The following SLC37A2 variants were observed in gnomAD, a reference collection of about 807,000 sequenced individuals.
SLC37A2 encodes the protein solute carrier family 37 member 2.
In SLC37A2, 59 loss-of-function variants were observed where a neutral mutation model predicts 70.7. The observed-to-expected ratio is 0.83, with a 90% CI of 0.68 to 1.04. The LOEUF (loss-of-function observed/expected upper bound fraction) is 1.04. Ranked by LOEUF, SLC37A2 falls within the 50% of genes least tolerant of loss-of-function variation. SLC37A2 has a pLI of 0.00. For missense variants in SLC37A2, 580 were observed against 658.1 expected (o/e 0.88, Z 1.30); for synonymous variants, 257 against 262.1 (o/e 0.98, Z 0.19).
intron 8 of SLC37A2, 131 bp from the exon 9 acceptor site, chr11:125,081,623 G>A (rs1949151394): frequency 2.1e-6 from 3 of 1,402,808 alleles, no homozygotes; most frequent in African/African-American, 2.9e-5. Context: ...AGTCTGGCAG[G>A]TCAGTCCAGC....
chr11:125,080,002 C>T lies in SLC37A2; in HGVS notation c.527+242C>T, dbSNP rs979457002. On this transcript the variant is annotated intron_variant, in intron 6 of 17. Coordinates refer to ENST00000403796, the MANE Select transcript of SLC37A2 (RefSeq NM_001145290.2). This position sits in a 1 kb window ranked among gnomAD's most constrained non-coding sequence, Gnocchi z 4.3. ...ATAATAGATTAATTTCTATTTTCAACGAAGACAAAAAGAAGCCTATAAAAC... is the reference window on the plus strand; with the variant it reads ...ATAATAGATTAATTTCTATTTTCAATGAAGACAAAAAGAAGCCTATAAAAC... Among the ~76,000 whole-genome samples the T allele has an allele frequency of 6.6e-6, 1 of 152,162 alleles. No individual in the cohort carries two copies. Among genetic ancestry groups the T allele is most frequent in the Non-Finnish European group, 1.5e-5 (1 of 68,036 alleles).
intron 14 of SLC37A2, 43 bp from the exon 15 acceptor site, chr11:125,085,352 C>A (rs1168409602): frequency 6.3e-7 from 1 of 1,584,110 alleles, no homozygotes; most frequent in Non-Finnish European, 8.6e-7. Context: ...TCTGCTCATG[C>A]TGCTGCTCAG....
rs752786146 is a variant in SLC37A2, at chr11:125,076,821, C to T, written c.124C>T (p.Pro42Ser). The T allele has an allele frequency of 7.4e-6, 12 of 1,614,046 alleles. No homozygotes were observed. Among genetic ancestry groups the T allele is most frequent in the South Asian group, 4.4e-5 (4 of 91,088 alleles). ...CGCCTGCTATCACATGTCCAGGAAG[C>T]CTATCAGTATCGTCAAGGTGAGGCT... Reference protein sequence around the residue: ...IYACYHMSRKPISIVKSRLHQ... With the variant: ...IYACYHMSRKSISIVKSRLHQ... Residue 42 changes from proline (P) to serine (S), a missense_variant, in exon 2 of 18, where the codon CCT becomes TCT. Transcript: ENST00000403796.
rs771953815 is a variant in SLC37A2 at position 125,081,450 on chromosome 11, C to T, written c.724C>T (p.Gln242Ter). ...AGAAGATGTGGACTGCGCCCCTCCT[C>T]AGCACCACGTGAGTGTGAGCCCTCC... ...HPEDVDCAPPQHHGEPAENQD... is the reference protein window; with the variant it reads ...HPEDVDCAPP The change falls in exon 8 of 18, where the codon CAG (glutamine) becomes TAG (stop). Residue 242 changes from glutamine (Q) to a stop codon, truncating the protein, a stop_gained. Coordinates refer to ENST00000403796, the MANE Select transcript of SLC37A2 (RefSeq NM_001145290.2). LOFTEE classifies it high-confidence loss of function. The T allele has an allele frequency of 6.2e-7, 1 of 1,609,954 alleles. No homozygotes were observed. The highest frequency in any genetic ancestry group is 1.1e-5 in the South Asian group (1 of 90,330).
rs576083231 is a variant in SLC37A2 at position 125,087,820 on chromosome 11, C to T, written c.1491-299C>T. The T allele has an allele frequency of 4.9e-5, 13 of 264,036 alleles. No individual in the cohort carries two copies. In the East Asian group the frequency reaches 5.3e-4, roughly 11 times the overall value. The allele number at this position is 264,036 out of a possible 1,614,324, so 16.4% of individuals were successfully genotyped here. ...GCTAATTTTGTATTTTTAGTAGAGA[C>T]AGGGTTTCTCCATGTTGGTCAGGCT... is the stretch of plus-strand genomic sequence containing the variant. On this transcript the variant is annotated intron_variant, in intron 17 of 17. Coordinates refer to ENST00000403796, the MANE Select transcript of SLC37A2 (RefSeq NM_001145290.2).
intron 1 of SLC37A2, among the ~76,000 whole-genome samples, chr11:125,066,489 C>G (rs1028242504): frequency 1.1e-4 from 17 of 152,208 alleles, no homozygotes; most frequent in Admixed American, 1.3e-4. Context: ...AAAATAAAAA[C>G]TATCTGTAGG....
At chr11:125,075,772 C>T (rs775404091) in intron 1 of SLC37A2, among the ~76,000 whole-genome samples, 8 of 152,230 alleles carry the variant, frequency 5.3e-5, no homozygotes, top group Middle Eastern at 3.4e-3. Context: ...ATTCCTAGGC[C>T]GAGGGAGCAT....
At chr11:125,076,735 C>T in intron 1 of SLC37A2, 22 bp from the exon 2 acceptor site, 1 of 1,613,068 alleles carries the variant, frequency 6.2e-7, no homozygotes, top group Non-Finnish European at 8.5e-7. Flanking sequence ...CCCACTAACG[C>T]AGATGCTGTC....
chr11:125,085,465 G>A lies in SLC37A2; in HGVS notation c.1319G>A (p.Gly440Asp), dbSNP rs780468139. 1.2e-6 allele frequency: 2 copies of A among 1,613,930 alleles called. No homozygotes were observed. The highest frequency in any genetic ancestry group is 1.1e-5 in the South Asian group (1 of 91,082). Residue 440 changes from glycine to aspartate, a missense_variant, in exon 15 of 18, where the codon GGC becomes GAC. Transcript: ENST00000403796. ...STVTAIIDGT[G>D]SIGAALGPLL... ...GTCACGGCCATCATTGACGGCACCG[G>A]CTCCATAGGTCTGTGACTCTAGCTC... is the stretch of plus-strand genomic sequence containing the variant.
chr11:125,068,664 TA>T (rs34492855), intron 1 of SLC37A2, among the ~76,000 whole-genome samples: 3 of 152,160 alleles, frequency 2.0e-5, no homozygotes, highest in African/African-American at 7.2e-5. Flanking sequence ...ACTTAACACA[TA>T]AAAGGTTAGA....
chr11:125,065,398 AT>A (rs1273801964), intron 1 of SLC37A2, among the ~76,000 whole-genome samples: 6 of 152,166 alleles, frequency 3.9e-5, no homozygotes, highest in Non-Finnish European at 8.8e-5. Flanking sequence ...CCTAGATTAG[AT>A]TTTTTAAAGC....
chr11:125,082,360 G>C, intron 10 of SLC37A2, 26 bp downstream of exon 10: 1 of 1,609,586 alleles, frequency 6.2e-7, no homozygotes, highest in South Asian at 1.1e-5. Flanking sequence ...GGGGAATGAA[G>C]GGGTCTCTGA....
chr11:125,073,256 C>T (rs549906537), intron 1 of SLC37A2, among the ~76,000 whole-genome samples: 218 of 152,326 alleles, frequency 1.4e-3, no homozygotes, highest in African/African-American at 5.2e-3. Context: ...CCACCGTAGG[C>T]TCCCCAAGAA....
In SLC37A2 at chr11:125,088,233, A is replaced by T; in HGVS notation, c.*99A>T. 7.2e-7 allele frequency: 1 copy of T among 1,388,890 alleles called. No homozygotes were observed. Among genetic ancestry groups the T allele is most frequent in the South Asian group, 1.2e-5 (1 of 80,394 alleles). 86.0% of individuals were successfully genotyped at this position (1,388,890 alleles called of 1,614,324 possible). On this transcript the variant is annotated 3_prime_UTR_variant, in exon 18 of 18. Transcript: ENST00000403796. ...AAACTTCCACAAGCAGGGAAGGCAA[A>T]CCCTCTTTATTGAACATTAGCCAGC...
chr11:125,082,387 T>A, intron 10 of SLC37A2, 53 bp downstream of exon 10: 5 of 1,536,380 alleles, frequency 3.3e-6, no homozygotes, highest in Non-Finnish European at 4.5e-6. Flanking sequence ...CAAGGCTGCC[T>A]CTGGTGGGAG....
intron 17 of SLC37A2, chr11:125,086,519 A>G: frequency 4.1e-6 from 2 of 488,988 alleles, no homozygotes; most frequent in South Asian, 2.2e-5. Context: ...GGAGGCAGAA[A>G]TAGGGAAACC....
At chr11:125,073,753 C>T (rs1462927993) in intron 1 of SLC37A2, among the ~76,000 whole-genome samples, 1 of 152,232 alleles carries the variant, frequency 6.6e-6, no homozygotes, top group East Asian at 1.9e-4. Context: ...CACCTGGGTT[C>T]CCCCGTGATG....
rs1948953420 is a variant in SLC37A2 at position 125,063,661 on chromosome 11, C to A, written c.59+235C>A. 6.6e-6 allele frequency among the ~76,000 whole-genome samples: 1 copy of A among 152,222 alleles called. No homozygotes were observed. The highest frequency in any genetic ancestry group is 1.5e-5 in the Non-Finnish European group (1 of 68,034). ...ACCCCGCGACGCTGGCTCGGTGACA[C>A]TGGGGAAGAACAGGCTGCCAGGGAG... On this transcript the variant is annotated intron_variant, in intron 1 of 17. Coordinates refer to ENST00000403796, the MANE Select transcript of SLC37A2 (RefSeq NM_001145290.2). This position sits in a 1 kb window ranked among gnomAD's most constrained non-coding sequence, Gnocchi z 5.4.
At position 125,080,761 on chromosome 11, in the gene SLC37A2, C is replaced by T; in HGVS notation, c.675C>T (p.Thr225=). The change falls in exon 7 of 18, where the codon ACC becomes ACT. Residue 225 remains threonine (T), a synonymous_variant. Transcript: ENST00000403796. The surrounding 1 kb of genome is among the most constrained non-coding windows in gnomAD (Gnocchi z 4.3). ...TTACTGCCGTCATGGGCGTCATCAC[C>T]TTCCTCTTCCTCATCGAACGTGAGT... ...GIITAVMGVI[T]FLFLIEHPED... 2 of 1,497,734 alleles carry T rather than the reference C, an allele frequency of 1.3e-6. No individual in the cohort carries two copies. Among genetic ancestry groups the T allele is most frequent in the Non-Finnish European group, 9.0e-7 (1 of 1,116,960 alleles). The allele number at this position is 1,497,734 out of a possible 1,614,324, so 92.8% of individuals were successfully genotyped here. A position where few individuals can be genotyped will look rare whatever the true frequency, so the allele number is the denominator to read the frequency against.
Sources: gnomAD v4.1 joint callset for allele counts (sites outside exome capture counted in the v4.1 genomes callset) on GRCh38, gnomAD v4.1.1 for gene constraint, Gnocchi (gnomAD v3.1) non-coding constraint, MANE v1.5 for transcripts, NCBI Gene and HGNC (gene_info 2026-07-23, HGNC 2026-07-21) for gene names.